The following CPQ variants were observed in gnomAD, a reference collection of about 807,000 sequenced individuals.
CPQ encodes the protein Ser-Met dipeptidase.
CPQ carries 37 observed loss-of-function variants against 45.7 expected under a neutral mutation model. The observed-to-expected ratio is 0.81, with a 90% CI of 0.62 to 1.07. The LOEUF (loss-of-function observed/expected upper bound fraction) is 1.07, where lower values mean the gene tolerates loss of function less well. Ranked by LOEUF, CPQ falls within the 50% of genes least tolerant of loss-of-function variation. The probability of loss-of-function intolerance (pLI) is 0.00; values close to 1 mark genes in which losing one functional copy is unlikely to be tolerated. For missense variants in CPQ, 537 were observed against 572.9 expected (o/e 0.94, Z 0.64); for synonymous variants, 186 against 205.8 (o/e 0.90, Z 0.82).
At chr8:96,973,476 C>T (rs1402837731) in intron 5 of CPQ, among the ~76,000 whole-genome samples, 1 of 152,118 alleles carries the variant, frequency 6.6e-6, no homozygotes, top group East Asian at 1.9e-4. Context: ...CTTCCCTGGC[C>T]TTCCTAGAGA....
intron 1 of CPQ, among the ~76,000 whole-genome samples, chr8:96,744,324 C>T (rs1048093215): frequency 6.6e-6 from 1 of 152,220 alleles, no homozygotes; most frequent in Non-Finnish European, 1.5e-5. Context: ...AATGCCTCGC[C>T]CTGCTTCTGC....
intron 1 of CPQ, among the ~76,000 whole-genome samples, chr8:96,755,378 T>C (rs1051964438): frequency 6.6e-6 from 1 of 151,866 alleles, no homozygotes; most frequent in Admixed American, 6.6e-5. Context: ...TATTTTTATT[T>C]AATTATTACT....
intron 1 of CPQ, among the ~76,000 whole-genome samples, chr8:96,681,298 A>G (rs1439737700): frequency 6.6e-6 from 1 of 152,152 alleles, no homozygotes; most frequent in Non-Finnish European, 1.5e-5. Flanking sequence ...GGCCAGGCCC[A>G]GGTCCCTCTG....
chr8:96,952,583 A>G lies in CPQ; in HGVS notation c.850-13352A>G, dbSNP rs181611998. 1.7e-3 allele frequency among the ~76,000 whole-genome samples: 253 copies of G among 152,240 alleles called. 3 individuals carry two copies. The highest frequency in any genetic ancestry group is 0.013 in the Admixed American group (195 of 15,268). Reference sequence around the variant, plus strand: ...ATCTAGTGGAATTCAAGAAAGTTTCAGAAGGAACCACCAAAATGGCATGAT... The same window carrying G: ...ATCTAGTGGAATTCAAGAAAGTTTCGGAAGGAACCACCAAAATGGCATGAT... On this transcript the variant is annotated intron_variant, in intron 4 of 7. Transcript: ENST00000220763.
chr8:96,836,610 C>T (rs1422188623), intron 3 of CPQ, among the ~76,000 whole-genome samples: 2 of 152,146 alleles, frequency 1.3e-5, no homozygotes, highest in Non-Finnish European at 1.5e-5. Context: ...CTTGGAATAA[C>T]ATATTCAGCA....
chr8:97,129,788 C>G (rs550771141), intron 7 of CPQ, among the ~76,000 whole-genome samples: 1 of 152,270 alleles, frequency 6.6e-6, no homozygotes, highest in South Asian at 2.1e-4. Context: ...CTCATTTCCA[C>G]AGATGTACTC....
intron 1 of CPQ, among the ~76,000 whole-genome samples, chr8:96,707,000 G>A (rs1809538249): frequency 6.6e-6 from 1 of 152,054 alleles, no homozygotes; most frequent in Non-Finnish European, 1.5e-5. Context: ...CTTTTCTTAT[G>A]ATAGGCCCAG....
Position 97,102,260 on chromosome 8 carries a change from C to T in CPQ, c.1255+36050C>T, listed in dbSNP as rs768150038. ...AAGAAAGCTGCTCGATAATTTCTTA[C>T]GGGCTCAACTCTGAAAGAAGCTCTT... On this transcript the variant is annotated intron_variant, in intron 7 of 7. Coordinates refer to ENST00000220763, the MANE Select transcript of CPQ (RefSeq NM_016134.4). 3.3e-5 allele frequency among the ~76,000 whole-genome samples: 5 copies of T among 152,118 alleles called. 1 individual carries two copies. In the South Asian group the frequency reaches 8.3e-4, roughly 25 times the overall value.
At chr8:96,860,571 TGATTGGCATTGAGCAGTGGGAAA>T (rs897221547) in intron 3 of CPQ, among the ~76,000 whole-genome samples, 14 of 152,098 alleles carry the variant, frequency 9.2e-5, no homozygotes, top group African/African-American at 2.7e-4. Context: ...AAGTAGGCAT[TGATTGGCATTGAGCAGTGGGAAA>T]GATTGGAGCT....
At chr8:96,917,343 A>T (rs1396341650) in intron 4 of CPQ, among the ~76,000 whole-genome samples, 4 of 152,100 alleles carry the variant, frequency 2.6e-5, no homozygotes, top group Non-Finnish European at 5.9e-5. Flanking sequence ...GTACTAGTTT[A>T]TTTATTATGT....
intron 5 of CPQ, among the ~76,000 whole-genome samples, chr8:97,001,346 C>A (rs1201165851): frequency 6.6e-6 from 1 of 152,026 alleles, no homozygotes; most frequent in African/African-American, 2.4e-5. Flanking sequence ...ATGCTTCCAG[C>A]TTTTACTTAT....
intron 2 of CPQ, among the ~76,000 whole-genome samples, chr8:96,809,384 A>G (rs181236755): frequency 6.6e-6 from 1 of 152,304 alleles, no homozygotes; most frequent in Non-Finnish European, 1.5e-5. Flanking sequence ...TGATGCCTCC[A>G]TACAATGGAA....
chr8:96,697,475 C>T (rs567432131), intron 1 of CPQ, among the ~76,000 whole-genome samples: 2 of 152,202 alleles, frequency 1.3e-5, no homozygotes, highest in African/African-American at 4.8e-5. Flanking sequence ...CAAGGATGCC[C>T]ACCTTCACTA....
intron 2 of CPQ, among the ~76,000 whole-genome samples, chr8:96,803,090 G>A (rs1811027983): frequency 6.6e-6 from 1 of 152,064 alleles, no homozygotes; most frequent in Admixed American, 6.6e-5. Context: ...GAAAGCCAGT[G>A]GTGTAGTTTG....
chr8:96,931,434 G>GTT (rs145903187), intron 4 of CPQ, among the ~76,000 whole-genome samples: 3 of 151,912 alleles, frequency 2.0e-5, no homozygotes, highest in Admixed American at 6.6e-5. Flanking sequence ...TTTTGTTTTT[G>GTT]TTTTTTTATA....
chr8:97,068,863 C>G (rs2513348), intron 7 of CPQ, among the ~76,000 whole-genome samples: 87,730 of 152,040 alleles, frequency 0.58, 27,215 homozygotes, highest in Non-Finnish European at 0.7. Flanking sequence ...ACCCTGAGAA[C>G]AGGCCATTTT....
chr8:96,814,019 T>C (rs1434572867), intron 2 of CPQ, among the ~76,000 whole-genome samples: 2 of 151,902 alleles, frequency 1.3e-5, no homozygotes, highest in South Asian at 2.1e-4. Flanking sequence ...TATACACACA[T>C]ACATATATAT....
intron 4 of CPQ, among the ~76,000 whole-genome samples, chr8:96,898,658 GGA>G (rs1357296162): frequency 6.7e-6 from 1 of 149,990 alleles, no homozygotes; most frequent in African/African-American, 2.5e-5. Flanking sequence ...GATAGCATTG[GGA>G]GATATACCTA....
chr8:96,735,572 G>C (rs913252418), intron 1 of CPQ, among the ~76,000 whole-genome samples: 1 of 152,214 alleles, frequency 6.6e-6, no homozygotes. Context: ...TCTTTGGACT[G>C]TGTCCCCAAA....
Sources: allele counts gnomAD v4.1 joint callset (sites outside exome capture counted in the v4.1 genomes callset), GRCh38; gene constraint gnomAD v4.1.1; transcripts MANE v1.5; gene names NCBI Gene and HGNC (gene_info 2026-07-23, HGNC 2026-07-21).